PPP1R9A: variants seen among roughly 807,000 people sequenced by gnomAD.
PPP1R9A encodes neurabin-1.
PPP1R9A carries 59 observed loss-of-function variants against 141.9 expected under a neutral mutation model. That is an observed-to-expected ratio of 0.42 (90% CI 0.34 to 0.52). PPP1R9A has a LOEUF of 0.52. PPP1R9A is among the 20% of genes least tolerant of loss of function. PPP1R9A has a pLI of 0.10. For missense variants in PPP1R9A, 1,444 were observed against 1,611.9 expected (o/e 0.90, Z 1.78); for synonymous variants, 500 against 569.7 (o/e 0.88, Z 1.74).
At chr7:95,061,339 A>T (rs957706554) in intron 2 of PPP1R9A, among the ~76,000 whole-genome samples, 5 of 152,238 alleles carry the variant, frequency 3.3e-5, no homozygotes, top group Admixed American at 2.0e-4. Flanking sequence ...TTTGTAAGTG[A>T]TATTCTAATT....
At chr7:95,117,754 T>C (rs965157624) in intron 3 of PPP1R9A, among the ~76,000 whole-genome samples, 2 of 152,138 alleles carry the variant, frequency 1.3e-5, no homozygotes, top group Non-Finnish European at 2.9e-5. Context: ...CAGCTCTACA[T>C]TGGCTTGACA....
intron 2 of PPP1R9A, among the ~76,000 whole-genome samples, chr7:94,933,573 C>G (rs1794421004): frequency 6.6e-6 from 1 of 152,092 alleles, no homozygotes; most frequent in South Asian, 2.1e-4. Context: ...ATCTTTTTAC[C>G]TCAGAAGAAA....
intron 2 of PPP1R9A, among the ~76,000 whole-genome samples, chr7:94,929,323 C>T (rs116633154): frequency 2.1e-3 from 319 of 152,226 alleles, no homozygotes; most frequent in African/African-American, 7.5e-3. Context: ...TAGAGGTGTG[C>T]ACAGGATGCT....
chr7:95,238,811 A>G (rs969592561), intron 8 of PPP1R9A, among the ~76,000 whole-genome samples: 6 of 152,066 alleles, frequency 3.9e-5, no homozygotes, highest in Non-Finnish European at 8.8e-5. Flanking sequence ...GTCATACTTG[A>G]TTGTTTAAAT....
At chr7:94,993,810 A>G (rs1326747979) in intron 2 of PPP1R9A, among the ~76,000 whole-genome samples, 1 of 152,134 alleles carries the variant, frequency 6.6e-6, no homozygotes, top group Non-Finnish European at 1.5e-5. Context: ...CCAGACTGCC[A>G]TGTTGTCTGT....
intron 2 of PPP1R9A, among the ~76,000 whole-genome samples, chr7:95,073,940 AG>A (rs200793814): frequency 0.024 from 3,689 of 152,220 alleles, 164 homozygotes; most frequent in African/African-American, 0.085. Flanking sequence ...ACACGCTATT[AG>A]GCAACATGAA....
rs185069546 is a variant in PPP1R9A, at chr7:94,979,288, A to G, written c.1395+67780A>G. On this transcript the variant is annotated intron_variant, in intron 2 of 19. Coordinates refer to ENST00000433360, the MANE Select transcript of PPP1R9A (RefSeq NM_001166160.2). ...ATTACATTTTTAGTTTTTCTGCAAT[A>G]AATTGTATTAAATTCAGTTTATTAA... is the stretch of plus-strand genomic sequence containing the variant. 9.3e-4 allele frequency among the ~76,000 whole-genome samples: 142 copies of G among 152,342 alleles called. 1 individual carries two copies. The highest frequency in any genetic ancestry group is 3.3e-3 in the African/African-American group (137 of 41,590).
At chr7:95,007,926 GC>G (rs1405483559) in intron 2 of PPP1R9A, among the ~76,000 whole-genome samples, 5 of 152,128 alleles carry the variant, frequency 3.3e-5, no homozygotes, top group Admixed American at 6.5e-5. Flanking sequence ...ACAAAAATTA[GC>G]TGGGCGTGGT....
intron 2 of PPP1R9A, among the ~76,000 whole-genome samples, chr7:94,943,015 TA>T (rs1795512272): frequency 6.6e-6 from 1 of 152,088 alleles, no homozygotes; most frequent in East Asian, 1.9e-4. Flanking sequence ...CTGGGTGAGC[TA>T]AAAGATGGTC....
intron 6 of PPP1R9A, chr7:95,202,538 C>A: frequency 1.4e-6 from 1 of 717,986 alleles, no homozygotes; most frequent in Non-Finnish European, 1.7e-6. Flanking sequence ...TTTTTTCTTT[C>A]TTTCTCTTTT....
rs753550890 is a variant in PPP1R9A at position 94,910,507 on chromosome 7, G to A, written c.394G>A (p.Asp132Asn). 3.7e-6 allele frequency: 6 copies of A among 1,614,162 alleles called. No homozygotes were observed. The highest frequency in any genetic ancestry group is 1.6e-4 in the Middle Eastern group (1 of 6,062). Residue 132 changes from aspartate to asparagine, a missense_variant, in exon 2 of 20, where the codon GAT (aspartate) becomes AAT (asparagine). Asp to Asn is a conservative substitution (Grantham distance 23). Coordinates refer to ENST00000433360, the MANE Select transcript of PPP1R9A (RefSeq NM_001166160.2). This position sits in a 1 kb window ranked among gnomAD's most constrained non-coding sequence, Gnocchi z 4.5. ...AATTAGTAGATTTGACACTATGTAC[G>A]ATGGCCCTTCATATTCCAAGTTCAC... ...ERISRFDTMYDGPSYSKFTET... is the reference protein window; with the variant it reads ...ERISRFDTMYNGPSYSKFTET...
At chr7:94,950,447 A>G (rs930142143) in intron 2 of PPP1R9A, among the ~76,000 whole-genome samples, 4 of 152,044 alleles carry the variant, frequency 2.6e-5, no homozygotes, top group African/African-American at 7.2e-5. Context: ...CTTGTTCTTC[A>G]TAAGAGAGCT....
intron 3 of PPP1R9A, among the ~76,000 whole-genome samples, chr7:95,112,465 A>G (rs534727925): frequency 2.5e-4 from 38 of 152,312 alleles, no homozygotes; most frequent in Middle Eastern, 6.8e-3. Flanking sequence ...GTTGGGGGAA[A>G]TGTAAATCAG....
intron 4 of PPP1R9A, among the ~76,000 whole-genome samples, chr7:95,132,598 C>T (rs1023059295): frequency 7.9e-5 from 12 of 152,110 alleles, no homozygotes; most frequent in Admixed American, 2.6e-4. Flanking sequence ...GGGAGGATTC[C>T]GGTGTTACAT....
rs541157338 is a variant in PPP1R9A at position 95,131,540 on chromosome 7, A to G, written c.1649+10708A>G. 2.6e-5 allele frequency among the ~76,000 whole-genome samples: 4 copies of G among 151,828 alleles called. No homozygotes were observed. In the South Asian group the frequency reaches 8.3e-4, roughly 32 times the overall value. ...GTTTTGGTTACTGTAGCATTAGAGT[A>G]TAGTTTGAGGTTGGGCAACGTGATG... is the stretch of plus-strand genomic sequence containing the variant. On this transcript the variant is annotated intron_variant, in intron 4 of 19. Transcript: ENST00000433360.
chr7:95,055,907 A>G (rs1158665391), intron 2 of PPP1R9A, among the ~76,000 whole-genome samples: 1 of 152,136 alleles, frequency 6.6e-6, no homozygotes, highest in African/African-American at 2.4e-5. Flanking sequence ...AGAACCTACC[A>G]TGTGCCAGAA....
At chr7:95,111,192 T>C in intron 2 of PPP1R9A, 67 bp from the exon 3 acceptor site, 1 of 1,423,198 alleles carries the variant, frequency 7.0e-7, no homozygotes, top group Non-Finnish European at 9.5e-7. Flanking sequence ...TAAACTTACA[T>C]AGTTTTGGAT....
chr7:95,003,110 A>C (rs1005336804), intron 2 of PPP1R9A, among the ~76,000 whole-genome samples: 5 of 152,194 alleles, frequency 3.3e-5, no homozygotes, highest in African/African-American at 1.2e-4. Context: ...CTTTTTAAAA[A>C]GCTTTTTAGC....
At chr7:94,940,801 T>G (rs550530475) in intron 2 of PPP1R9A, among the ~76,000 whole-genome samples, 84 of 152,128 alleles carry the variant, frequency 5.5e-4, no homozygotes, top group African/African-American at 2.0e-3. Flanking sequence ...CAATCTTATT[T>G]TATTTTTTAG....
Sources: allele counts gnomAD v4.1 joint callset (sites outside exome capture counted in the v4.1 genomes callset), GRCh38; gene constraint gnomAD v4.1.1; non-coding constraint Gnocchi (gnomAD v3.1); transcripts MANE v1.5; gene names NCBI Gene and HGNC (gene_info 2026-07-23, HGNC 2026-07-21).